Variants in KCNH8 observed in about 807,000 individuals in gnomAD.
KCNH8 encodes voltage-gated delayed rectifier potassium channel KCNH8.
KCNH8 carries 70 observed loss-of-function variants against 103.6 expected under a neutral mutation model. The observed-to-expected ratio is 0.68, with a 90% CI of 0.56 to 0.82. The LOEUF is 0.82. Ranked by LOEUF, KCNH8 falls within the 40% of genes least tolerant of loss-of-function variation. The pLI is 0.00. For missense variants in KCNH8, 1,217 were observed against 1,329.9 expected, an observed-to-expected ratio of 0.92 and a Z score of 1.32; for synonymous variants, 498 against 489.4, an observed-to-expected ratio of 1.02 and a Z score of -0.23.
chr3:19,225,959 A>G (rs1378049997), intron 1 of KCNH8, among the ~76,000 whole-genome samples: 2 of 152,214 alleles, frequency 1.3e-5, no homozygotes, highest in Non-Finnish European at 2.9e-5. Flanking sequence ...TTATGAATTC[A>G]ATGTTTATGA....
At chr3:19,373,870 A>G (rs1248736487) in intron 5 of KCNH8, among the ~76,000 whole-genome samples, 1 of 152,068 alleles carries the variant, frequency 6.6e-6, no homozygotes, top group Non-Finnish European at 1.5e-5. Flanking sequence ...TTATGTACCC[A>G]TTAGTCATTC....
At chr3:19,279,567 C>T (rs1272193959) in intron 2 of KCNH8, among the ~76,000 whole-genome samples, 1 of 54,586 alleles carries the variant, frequency 1.8e-5, no homozygotes, top group African/African-American at 9.7e-5. Flanking sequence ...TGCCATAGGG[C>T]TAAAAAAAAA....
At chr3:19,350,888 C>G (rs930264418) in intron 5 of KCNH8, among the ~76,000 whole-genome samples, 1 of 152,032 alleles carries the variant, frequency 6.6e-6, no homozygotes, top group Non-Finnish European at 1.5e-5. Context: ...ATGACTTTGA[C>G]GAGTTGAGAG....
At chr3:19,292,351 C>G (rs897538107) in intron 3 of KCNH8, among the ~76,000 whole-genome samples, 1 of 152,074 alleles carries the variant, frequency 6.6e-6, no homozygotes, top group Non-Finnish European at 1.5e-5. Flanking sequence ...AGTGGTAATA[C>G]AAATCAAGAT....
chr3:19,293,631 C>A (rs555129482), intron 3 of KCNH8, among the ~76,000 whole-genome samples: 1 of 152,320 alleles, frequency 6.6e-6, no homozygotes, highest in South Asian at 2.1e-4. Flanking sequence ...TAAGCTAATT[C>A]ATCTTCAGCG....
In KCNH8 at chr3:19,517,634, A is replaced by C. The variant is rs112375322; in HGVS notation, c.2543-364A>C. Among the ~76,000 whole-genome samples, 175 of 152,158 alleles carry C rather than the reference A, an allele frequency of 1.2e-3. 2 individuals are homozygous for C. Among genetic ancestry groups the C allele is most frequent in the African/African-American group, 3.9e-3 (163 of 41,546 alleles). ...TAGAATGGAACGAGAGAAGAAAAAT[A>C]ATATCCCTTTTCTATGGCTTGAGCA... On this transcript the variant is annotated intron_variant, in intron 14 of 15. Transcript: ENST00000328405.
At position 19,284,508 on chromosome 3, in the gene KCNH8, G is replaced by GGTGTGT. The variant is rs66509260; in HGVS notation, c.442+3219_442+3224dup. Among the ~76,000 whole-genome samples the GGTGTGT allele has an allele frequency of 4.5e-3, 609 of 136,598 alleles. 2 individuals are homozygous for GGTGTGT. Among genetic ancestry groups the GGTGTGT allele is most frequent in the East Asian group, 7.5e-3 (35 of 4,638 alleles). 89.6% of individuals were successfully genotyped at this position (136,598 alleles called of 152,430 possible). Reference sequence around the variant, plus strand: ...ATAGCTTTCAGCTGGTGGATCTGCTGGTGTGTGTGTGTGTGTGTGTGTGTG... The same window carrying GGTGTGT: ...ATAGCTTTCAGCTGGTGGATCTGCTGGTGTGTGTGTGTGTGTGTGTGTGTGTGTGTG... On this transcript the variant is annotated intron_variant, in intron 3 of 15. Coordinates refer to ENST00000328405, the MANE Select transcript of KCNH8 (RefSeq NM_144633.3).
intron 3 of KCNH8, among the ~76,000 whole-genome samples, chr3:19,292,734 G>C (rs1012077345): frequency 2.6e-5 from 4 of 152,120 alleles, no homozygotes; most frequent in Non-Finnish European, 5.9e-5. Flanking sequence ...CTTGTCACCT[G>C]ATGGTTGCAA....
chr3:19,474,651 A>T (rs1013625971), intron 11 of KCNH8, among the ~76,000 whole-genome samples: 11 of 152,196 alleles, frequency 7.2e-5, no homozygotes, highest in Non-Finnish European at 1.2e-4. Flanking sequence ...TGAAGAAAAT[A>T]ATTAAGGAAA....
chr3:19,399,368 T>C (rs1355393992), intron 7 of KCNH8, among the ~76,000 whole-genome samples: 1 of 151,958 alleles, frequency 6.6e-6, no homozygotes, highest in Non-Finnish European at 1.5e-5. Context: ...TTAATATATG[T>C]ATATATTATT....
At chr3:19,310,744 G>A (rs570674364) in intron 3 of KCNH8, among the ~76,000 whole-genome samples, 4 of 151,780 alleles carry the variant, frequency 2.6e-5, no homozygotes, top group South Asian at 4.2e-4. Context: ...TCGTAAAATC[G>A]TATAATGGTG....
intron 1 of KCNH8, among the ~76,000 whole-genome samples, chr3:19,208,631 G>A (rs1341819061): frequency 6.6e-6 from 1 of 151,926 alleles, no homozygotes; most frequent in Non-Finnish European, 1.5e-5. Context: ...CCATTGGTGA[G>A]AAGGAACCCC....
chr3:19,282,287 A>C (rs2064767393), intron 3 of KCNH8, among the ~76,000 whole-genome samples: 1 of 152,154 alleles, frequency 6.6e-6, no homozygotes, highest in Non-Finnish European at 1.5e-5. Flanking sequence ...TATTGGCATG[A>C]CTAAATTATG....
intron 6 of KCNH8, among the ~76,000 whole-genome samples, chr3:19,393,877 C>G (rs923886318): frequency 6.6e-6 from 1 of 152,034 alleles, no homozygotes; most frequent in Admixed American, 6.6e-5. Context: ...TCAATTTCTA[C>G]GCTGAGCTTG....
chr3:19,212,380 C>T (rs183596367), intron 1 of KCNH8, among the ~76,000 whole-genome samples: 83 of 152,294 alleles, frequency 5.4e-4, no homozygotes, highest in Non-Finnish European at 1.0e-3. Flanking sequence ...CAAGCCCCAA[C>T]GTGAATACCA....
chr3:19,377,184 CTAAAA>C (rs1360015642), intron 5 of KCNH8, among the ~76,000 whole-genome samples: 2 of 152,122 alleles, frequency 1.3e-5, no homozygotes, highest in African/African-American at 2.4e-5. Context: ...TTTCAAAAAA[CTAAAA>C]TAAAAGATAT....
At chr3:19,261,817 G>A (rs1197880901) in intron 2 of KCNH8, among the ~76,000 whole-genome samples, 1 of 151,454 alleles carries the variant, frequency 6.6e-6, no homozygotes, top group Non-Finnish European at 1.5e-5. Context: ...TTTATTCTTT[G>A]GAATGTGGAA....
rs1026964960 is a variant in KCNH8 at position 19,510,390 on chromosome 3, A to G, written c.2068A>G (p.Met690Val). The change falls in exon 12 of 16, where the codon ATG becomes GTG. Residue 690 changes from methionine to valine, a missense_variant. Transcript: ENST00000328405. ...DVISRLSNKS[M>V]VSQSEPKGNG... ...GATATCAAGACTATCAAACAAATCTATGGTCTCACAGGTATGGCTTTTGCT... is the reference window on the plus strand; with the variant it reads ...GATATCAAGACTATCAAACAAATCTGTGGTCTCACAGGTATGGCTTTTGCT... 8 of 1,579,866 alleles carry G rather than the reference A, an allele frequency of 5.1e-6. No individual in the cohort carries two copies. Among genetic ancestry groups the G allele is most frequent in the East Asian group, 4.5e-5 (2 of 44,666 alleles).
At chr3:19,356,137 T>C (rs1402403372) in intron 5 of KCNH8, among the ~76,000 whole-genome samples, 2 of 151,946 alleles carry the variant, frequency 1.3e-5, no homozygotes, top group Non-Finnish European at 2.9e-5. Context: ...AATATGATTA[T>C]TTTAAATTGA....
Sources: allele counts gnomAD v4.1 joint callset (sites outside exome capture counted in the v4.1 genomes callset), GRCh38; gene constraint gnomAD v4.1.1; transcripts MANE v1.5; gene names NCBI Gene and HGNC (gene_info 2026-07-23, HGNC 2026-07-21).